MDM1: variants seen among roughly 807,000 people sequenced by gnomAD.
The protein encoded by MDM1 is stabilizer of axonemal microtubules 6, also known as Mdm1 nuclear protein.
MDM1 carries 61 observed loss-of-function variants against 89.1 expected under a neutral mutation model. The ratio of observed to expected loss-of-function variants is 0.68; its 90% confidence interval spans 0.56 to 0.85. MDM1 has a LOEUF of 0.85. Among genes scored for constraint, MDM1 ranks in the 40% least tolerant of loss-of-function variants. The pLI is 0.00. For missense variants in MDM1, 820 were observed against 846.5 expected, an observed-to-expected ratio of 0.97 and a Z score of 0.39; for synonymous variants, 290 against 294.1, an observed-to-expected ratio of 0.99 and a Z score of 0.14.
intron 14 of MDM1, among the ~76,000 whole-genome samples, chr12:68,295,876 G>C (rs1871309456): frequency 6.6e-6 from 1 of 152,066 alleles, no homozygotes; most frequent in African/African-American, 2.4e-5. Context: ...CTCATTCTGA[G>C]TAAGCAAATC....
intron 7 of MDM1, among the ~76,000 whole-genome samples, chr12:68,317,575 C>T (rs1874664667): frequency 6.6e-6 from 1 of 152,140 alleles, no homozygotes; most frequent in African/African-American, 2.4e-5. Context: ...ATAATCCCAA[C>T]AGAGTCCTAC....
chr12:68,327,131 T>C (rs1408930328), intron 2 of MDM1, 110 bp from the exon 3 acceptor site: 4 of 1,429,124 alleles, frequency 2.8e-6, no homozygotes, highest in African/African-American at 2.9e-5. Flanking sequence ...AGTTCAGATA[T>C]ATGTACCTAT....
rs777181808 is a variant in MDM1 at position 68,325,548 on chromosome 12, C to A, written c.526G>T (p.Gly176Ter). The change falls in exon 4 of 15, where the codon GGA becomes TGA. Residue 176 changes from glycine (G) to a stop codon, truncating the protein, a stop_gained. Transcript: ENST00000682720. LOFTEE classifies it high-confidence loss of function. ...TTATATGAAGGAACAACAGTCAATC[C>A]AGCTTTCTTACGCAGAAGTCTATCC... ...GLDRLLRKKA[G>*]LTVVPSYNAL... 5.0e-6 allele frequency: 8 copies of A among 1,584,384 alleles called. No homozygotes were observed. The South Asian group carries it at 8.3e-5, about 17-fold the overall frequency.
At chr12:68,310,727 G>A (rs1391103707) in intron 12 of MDM1, among the ~76,000 whole-genome samples, 1 of 152,218 alleles carries the variant, frequency 6.6e-6, no homozygotes, top group African/African-American at 2.4e-5. Flanking sequence ...GGGATTAAGA[G>A]GTAGAGGGTG....
chr12:68,327,853 C>T (rs142267430), intron 2 of MDM1, among the ~76,000 whole-genome samples: 1 of 152,296 alleles, frequency 6.6e-6, no homozygotes, highest in East Asian at 1.9e-4. Flanking sequence ...GGTCTTCTCA[C>T]TGGGTGGATA....
At chr12:68,319,527 A>C (rs1286562679) in intron 7 of MDM1, among the ~76,000 whole-genome samples, 2 of 152,198 alleles carry the variant, frequency 1.3e-5, no homozygotes, top group African/African-American at 4.8e-5. Context: ...ACTGTACCTT[A>C]TATTTAGGAA....
intron 10 of MDM1, 32 bp from the exon 11 acceptor site, chr12:68,313,785 A>G: frequency 6.8e-7 from 1 of 1,471,306 alleles, no homozygotes; most frequent in Non-Finnish European, 9.4e-7. Context: ...GAATCTATAC[A>G]GCATTTCCTC....
At chr12:68,301,193 A>G (rs1266082798) in intron 13 of MDM1, among the ~76,000 whole-genome samples, 1 of 152,234 alleles carries the variant, frequency 6.6e-6, no homozygotes, top group Non-Finnish European at 1.5e-5. Flanking sequence ...CCTACCTTAA[A>G]AAGTCTGAAA....
chr12:68,325,770 G>T, intron 3 of MDM1, 195 bp from the exon 4 acceptor site: 2 of 1,209,468 alleles, frequency 1.7e-6, no homozygotes, highest in South Asian at 3.4e-5. Flanking sequence ...CTTTTTTCAA[G>T]TGTCAAACTA....
Position 68,302,803 on chromosome 12 carries a change from AAGGCAG to A in MDM1, c.1813_1818del (p.Pro606_Leu607del), listed in dbSNP as rs1442592383. Reference sequence around the variant, plus strand: ...ATATTGTCTTCAGAATCTTCCCGCAAAGGCAGAGGATCAACTGTTTTTATACCAGCA... The same window carrying A: ...ATATTGTCTTCAGAATCTTCCCGCAAAGGATCAACTGTTTTTATACCAGCA... On this transcript the variant is annotated inframe_deletion, in exon 13 of 15. Coordinates refer to ENST00000682720, the MANE Select transcript of MDM1 (RefSeq NM_001354969.2). The A allele has an allele frequency of 6.2e-7, 1 of 1,613,742 alleles. No homozygotes were observed. Among genetic ancestry groups the A allele is most frequent in the African/African-American group, 1.3e-5 (1 of 74,826 alleles).
At chr12:68,331,620 C>G (rs1425859825) in intron 1 of MDM1, among the ~76,000 whole-genome samples, 2 of 152,132 alleles carry the variant, frequency 1.3e-5, no homozygotes, top group Non-Finnish European at 2.9e-5. Flanking sequence ...TTGATAAAGT[C>G]AACAAAAGGC....
intron 13 of MDM1, 119 bp downstream of exon 13, chr12:68,302,501 T>C: frequency 1.1e-6 from 1 of 944,236 alleles, no homozygotes. Context: ...ATTTTATTAA[T>C]ACATTAACCA....
intron 7 of MDM1, among the ~76,000 whole-genome samples, chr12:68,317,302 T>G (rs1318559946): frequency 6.6e-6 from 1 of 152,086 alleles, no homozygotes; most frequent in Non-Finnish European, 1.5e-5. Context: ...AGTTCAAGTT[T>G]TACCCTTAAA....
chr12:68,315,089 A>T lies in MDM1; in HGVS notation c.1388T>A (p.Val463Glu). 6.2e-7 allele frequency: 1 copy of T among 1,613,754 alleles called. No homozygotes were observed. Reference protein sequence around the residue: ...AWDTENTSEDVQKQPGEKEEE... With the variant: ...AWDTENTSEDEQKQPGEKEEE... ...CTCTTTCTCCCCGGGCTGTTTCTGT[A>T]CGTCTTCACTTGTGTTCTCTGTATC... is the stretch of plus-strand genomic sequence containing the variant. Residue 463 changes from valine to glutamate, a missense_variant, in exon 10 of 15, where the codon GTA becomes GAA. By Grantham distance (121) the Val-to-Glu change is moderately radical. Coordinates refer to ENST00000682720, the MANE Select transcript of MDM1 (RefSeq NM_001354969.2).
chr12:68,302,121 T>C (rs1421773460), intron 13 of MDM1, among the ~76,000 whole-genome samples: 1 of 152,010 alleles, frequency 6.6e-6, no homozygotes, highest in Non-Finnish European at 1.5e-5. Flanking sequence ...TTTCAGAACA[T>C]TAGATATGAA....
chr12:68,330,310 G>C (rs1235455432), intron 2 of MDM1, among the ~76,000 whole-genome samples: 2 of 152,206 alleles, frequency 1.3e-5, no homozygotes, highest in Admixed American at 6.5e-5. Context: ...ACGAGATGCA[G>C]ATAAACTAGG....
At chr12:68,332,034 T>C (rs1239385244) in intron 1 of MDM1, 194 bp downstream of exon 1, 2 of 742,572 alleles carry the variant, frequency 2.7e-6, no homozygotes, top group East Asian at 5.4e-5. Context: ...AGCTTGCAAA[T>C]GTGAGTGAGC....
rs1403412917 is a variant in MDM1 at position 68,315,431 on chromosome 12, G to A, written c.1212-166C>T. Among the ~76,000 whole-genome samples the A allele has an allele frequency of 2.0e-5, 3 of 152,076 alleles. No homozygotes were observed. The South Asian group carries it at 6.2e-4, about 32-fold the overall frequency. Reference sequence around the variant, plus strand: ...AGAAGGAAATCTAATTCGTTTTATAGCAAAATAAATGAAAGTCATAATCTG... The same window carrying A: ...AGAAGGAAATCTAATTCGTTTTATAACAAAATAAATGAAAGTCATAATCTG... On this transcript the variant is annotated intron_variant, in intron 9 of 14. Transcript: ENST00000682720.
intron 9 of MDM1, 59 bp downstream of exon 9, chr12:68,316,019 T>C: frequency 7.0e-7 from 1 of 1,426,464 alleles, no homozygotes; most frequent in Non-Finnish European, 9.5e-7. Context: ...TCCTATATCA[T>C]TCTATGATCT....
Sources: allele counts gnomAD v4.1 joint callset (sites outside exome capture counted in the v4.1 genomes callset), GRCh38; gene constraint gnomAD v4.1.1; transcripts MANE v1.5; gene names NCBI Gene and HGNC (gene_info 2026-07-23, HGNC 2026-07-21).